DAPK2: variants seen among roughly 807,000 people sequenced by gnomAD.
The protein encoded by DAPK2 is death associated protein kinase 2.
Under a neutral mutation model 44.1 loss-of-function variants are expected in DAPK2, and 35 were observed. That is an observed-to-expected ratio of 0.79 (90% CI 0.61 to 1.05). DAPK2 has a LOEUF of 1.05. Ranked by LOEUF, DAPK2 falls within the 50% of genes least tolerant of loss-of-function variation. The probability of loss-of-function intolerance (pLI) is 0.00; values close to 1 mark genes in which losing one functional copy is unlikely to be tolerated. For synonymous variants in DAPK2, 174 were observed against 182.6 expected (o/e 0.95, Z 0.38); for missense variants, 453 against 483.2 (o/e 0.94, Z 0.59).
intron 8 of DAPK2, chr15:63,921,025 C>T (rs1373157490): frequency 6.6e-6 from 1 of 152,308 alleles, no homozygotes; most frequent in Non-Finnish European, 1.5e-5. Context: ...CTATGTGCTT[C>T]TCTCCCAGCA....
intron 1 of DAPK2, among the ~76,000 whole-genome samples, chr15:64,024,805 G>T (rs332277): frequency 1.3e-5 from 2 of 152,090 alleles, no homozygotes; most frequent in African/African-American, 4.8e-5. Flanking sequence ...AACTAGTGGG[G>T]CCTGCCCCCA....
At position 64,032,067 on chromosome 15, in the gene DAPK2, C is replaced by G. The variant is rs141917005; in HGVS notation, c.92+8103G>C. ...GTATCTGTAGGTGTTAAGCACTTAT[C>G]AAGTATAAAAGGCCTGGGCTGGACA... On this transcript the variant is annotated intron_variant, in intron 1 of 10. Coordinates refer to ENST00000261891, the Ensembl canonical transcript of DAPK2. 2.7e-3 allele frequency among the ~76,000 whole-genome samples: 416 copies of G among 152,200 alleles called. 1 individual carries two copies. Among genetic ancestry groups the G allele is most frequent in the Non-Finnish European group, 4.3e-3 (293 of 68,018 alleles).
chr15:63,957,435 C>A (rs1002994587), intron 3 of DAPK2, among the ~76,000 whole-genome samples: 6 of 151,806 alleles, frequency 4.0e-5, no homozygotes, highest in Non-Finnish European at 8.8e-5. Flanking sequence ...TATACATGTG[C>A]CATGTTGGTA....
rs962939551 is a variant in DAPK2, at chr15:63,990,989, C to T, written c.93-7235G>A. 1.5e-4 allele frequency among the ~76,000 whole-genome samples: 23 copies of T among 152,066 alleles called. No individual in the cohort carries two copies. The highest frequency in any genetic ancestry group is 6.2e-4 in the South Asian group (3 of 4,816). ...TCCACTGTGGAGCCTCTGTGGCTGA[C>T]CCTGTCCTTATTTCCCACCCTTTCC... On this transcript the variant is annotated intron_variant, in intron 1 of 10. Coordinates refer to ENST00000261891, the Ensembl canonical transcript of DAPK2. This position sits in a 1 kb window ranked among gnomAD's most constrained non-coding sequence, Gnocchi z 4.3.
At chr15:63,925,678 GCACACA>G (rs3222873) in intron 7 of DAPK2, among the ~76,000 whole-genome samples, 3,369 of 138,460 alleles carry the variant, frequency 0.024, 57 homozygotes, top group East Asian at 0.048. Flanking sequence ...GACTTGTAGC[GCACACA>G]CACACACACA....
At chr15:63,989,353 C>T (rs2078754939) in intron 1 of DAPK2, among the ~76,000 whole-genome samples, 1 of 151,988 alleles carries the variant, frequency 6.6e-6, no homozygotes, top group Non-Finnish European at 1.5e-5. Context: ...GCCTGGGCGA[C>T]AAGCAAGACT....
At position 64,046,091 on chromosome 15, in the gene DAPK2, G is replaced by A. The variant is rs1415557514; in HGVS notation, c.-7+207C>T. ...GTCAAAGTGCCAGGCTCCGGAGGGC[G>A]CCCCAGGGCAGCGGCGGGCAGCTCC... On this transcript the variant is annotated intron_variant, in intron 1 of 11. Coordinates refer to the DAPK2 transcript ENST00000457488. The surrounding 1 kb of genome is among the most constrained non-coding windows in gnomAD (Gnocchi z 5.3). Among the ~76,000 whole-genome samples, 2 of 152,150 alleles carry A rather than the reference G, an allele frequency of 1.3e-5. No individual in the cohort carries two copies. Among genetic ancestry groups the A allele is most frequent in the Non-Finnish European group, 2.9e-5 (2 of 68,012 alleles).
At chr15:63,922,806 T>C in intron 8 of DAPK2, 12 of 1,535,864 alleles carry the variant, frequency 7.8e-6, no homozygotes, top group Non-Finnish European at 1.0e-5. Context: ...GATTCACTGG[T>C]GTCCTGGTAG....
chr15:63,982,259 C>G (rs866027130), intron 2 of DAPK2, among the ~76,000 whole-genome samples: 1 of 141,304 alleles, frequency 7.1e-6, no homozygotes, highest in Non-Finnish European at 1.5e-5. Flanking sequence ...GATGCAATCT[C>G]GGCTTACTGC....
intron 1 of DAPK2, among the ~76,000 whole-genome samples, chr15:64,033,269 G>GA (rs1201095577): frequency 0.099 from 6,627 of 66,956 alleles, 736 homozygotes; most frequent in African/African-American, 0.2. Context: ...GGGGGAGGGG[G>GA]AGGGGGAAGG....
rs562870670 is a variant in DAPK2 at position 64,033,691 on chromosome 15, G to A, written c.92+6479C>T. Reference sequence around the variant, plus strand: ...TGGGAGGCCGAGGCGGGTGGATCACGAGGTCAGGAGATGGAGACCATCCTG... The same window carrying A: ...TGGGAGGCCGAGGCGGGTGGATCACAAGGTCAGGAGATGGAGACCATCCTG... On this transcript the variant is annotated intron_variant, in intron 1 of 10. Coordinates refer to ENST00000261891, the Ensembl canonical transcript of DAPK2. Among the ~76,000 whole-genome samples the A allele has an allele frequency of 4.6e-5, 7 of 152,100 alleles. 1 individual carries two copies. In the South Asian group the frequency reaches 1.5e-3, roughly 32 times the overall value.
At chr15:64,035,751 A>G (rs2080162362) in intron 1 of DAPK2, among the ~76,000 whole-genome samples, 1 of 152,230 alleles carries the variant, frequency 6.6e-6, no homozygotes, top group East Asian at 1.9e-4. Context: ...GAAACAGCAG[A>G]CAACCTCCAG....
In DAPK2 at chr15:64,046,075, C is replaced by G. The variant is rs2080454684; in HGVS notation, c.-7+223G>C. 6.6e-6 allele frequency among the ~76,000 whole-genome samples: 1 copy of G among 152,174 alleles called. No homozygotes were observed. The highest frequency in any genetic ancestry group is 2.1e-4 in the South Asian group (1 of 4,836). Reference sequence around the variant, plus strand: ...CTACCCTGTCTCCCAGGTCAAAGTGCCAGGCTCCGGAGGGCGCCCCAGGGC... The same window carrying G: ...CTACCCTGTCTCCCAGGTCAAAGTGGCAGGCTCCGGAGGGCGCCCCAGGGC... On this transcript the variant is annotated intron_variant, in intron 1 of 11. Transcript: ENST00000457488. This position sits in a 1 kb window ranked among gnomAD's most constrained non-coding sequence, Gnocchi z 5.3.
intron 1 of DAPK2, among the ~76,000 whole-genome samples, chr15:63,995,086 A>G (rs940013890): frequency 6.6e-6 from 1 of 152,108 alleles, no homozygotes; most frequent in Non-Finnish European, 1.5e-5. Context: ...GCAAATTCTC[A>G]ATTTTGGACA....
chr15:63,958,175 A>T (rs2077780956), intron 3 of DAPK2, among the ~76,000 whole-genome samples: 2 of 151,208 alleles, frequency 1.3e-5, no homozygotes, highest in Non-Finnish European at 2.9e-5. Flanking sequence ...GTCTGTTCAT[A>T]TCCTTTGTGC....
intron 1 of DAPK2, among the ~76,000 whole-genome samples, chr15:64,031,015 C>CACAT (rs1175395452): frequency 6.4e-4 from 97 of 151,168 alleles, no homozygotes; most frequent in African/African-American, 2.1e-3. Flanking sequence ...CACACACACA[C>CACAT]GGAATTTGCA....
rs1474022486 is a variant in DAPK2 at position 64,002,933 on chromosome 15, T to TC, written c.93-19180_93-19179insG. On this transcript the variant is annotated intron_variant, in intron 1 of 10. Coordinates refer to ENST00000261891, the Ensembl canonical transcript of DAPK2. Reference sequence around the variant, plus strand: ...CTGAGACACTGTGTGTGTGTGTGTGTGTGTGTGTGTGTGTGTGTGTGTGTG... The same window carrying TC: ...CTGAGACACTGTGTGTGTGTGTGTGTCGTGTGTGTGTGTGTGTGTGTGTGTG... Among the ~76,000 whole-genome samples the TC allele has an allele frequency of 4.5e-5, 6 of 132,706 alleles. No individual in the cohort carries two copies. In the Admixed American group the frequency reaches 4.7e-4, roughly 10 times the overall value. The allele number at this position is 132,706 out of a possible 152,430, so 87.1% of individuals were successfully genotyped here.
chr15:64,009,081 A>G (rs1310446090), intron 1 of DAPK2, among the ~76,000 whole-genome samples: 1 of 152,144 alleles, frequency 6.6e-6, no homozygotes, highest in Non-Finnish European at 1.5e-5. Flanking sequence ...CCTCCTGTGC[A>G]TACCTCCATC....
intron 1 of DAPK2, among the ~76,000 whole-genome samples, chr15:64,033,241 C>CAG (rs1189310054): frequency 1.8e-5 from 2 of 110,220 alleles, no homozygotes; most frequent in Non-Finnish European, 3.5e-5. Flanking sequence ...GCCTGAGTAA[C>CAG]AGAGAGACCC....
Sources: allele counts gnomAD v4.1 joint callset (sites outside exome capture counted in the v4.1 genomes callset), GRCh38; gene constraint gnomAD v4.1.1; non-coding constraint Gnocchi (gnomAD v3.1); transcripts MANE v1.5; gene names NCBI Gene and HGNC (gene_info 2026-07-23, HGNC 2026-07-21).